IRAG1: variants seen among roughly 807,000 people sequenced by gnomAD.
IRAG1 encodes IP3R-associated cGMP kinase substrate.
A neutral mutation model predicts 106.2 loss-of-function variants in IRAG1; 62 were observed. The ratio of observed to expected loss-of-function variants is 0.58; its 90% CI spans 0.48 to 0.72. The LOEUF is 0.72. Ranked by LOEUF, IRAG1 falls within the 30% of genes least tolerant of loss-of-function variation. The probability of loss-of-function intolerance (pLI) is 0.00; values close to 1 mark genes in which losing one functional copy is unlikely to be tolerated. For missense variants in IRAG1, 1,064 were observed against 1,140.7 expected, an observed-to-expected ratio of 0.93 and a Z score of 0.97; for synonymous variants, 462 against 443.9, an observed-to-expected ratio of 1.04 and a Z score of -0.51.
rs761921283 is a variant in IRAG1, at chr11:10,629,694, T to C, written c.418A>G (p.Ile140Val). 2 of 1,613,732 alleles carry C rather than the reference T, an allele frequency of 1.2e-6. No homozygotes were observed. Among genetic ancestry groups the C allele is most frequent in the East Asian group, 2.2e-5 (1 of 44,882 alleles). Reference protein sequence around the residue: ...LTSVDPAGHIIDLVNDQLPDI... With the variant: ...LTSVDPAGHIVDLVNDQLPDI... ...GGCAGCTGGTCATTCACCAGGTCAATGATGTGCCCCGCGGGGTCTGCAGAA... is the reference window on the plus strand; with the variant it reads ...GGCAGCTGGTCATTCACCAGGTCAACGATGTGCCCCGCGGGGTCTGCAGAA... Residue 140 changes from isoleucine (I) to valine (V), a missense_variant, in exon 5 of 21, where the codon ATT (isoleucine) becomes GTT (valine). Physicochemically the swap from Ile to Val is conservative, Grantham distance 29. Transcript: ENST00000423302.
chr11:10,628,954 T>C lies in IRAG1; in HGVS notation c.575-126A>G. 1 of 839,312 alleles carries C rather than the reference T, an allele frequency of 1.2e-6. No individual in the cohort carries two copies. Among genetic ancestry groups the C allele is most frequent in the Admixed American group, 2.8e-5 (1 of 35,370 alleles). 52.0% of individuals were successfully genotyped at this position (839,312 alleles called of 1,614,324 possible). A position where few individuals can be genotyped will look rare whatever the true frequency, so the allele number is the denominator to read the frequency against. ...CTGCCTTGCTGGGCTCAGGGGCTGATGCTGGACTGCAATATGATGCTCCTG... is the reference window on the plus strand; with the variant it reads ...CTGCCTTGCTGGGCTCAGGGGCTGACGCTGGACTGCAATATGATGCTCCTG... On this transcript the variant is annotated intron_variant, in intron 5 of 20. Coordinates refer to ENST00000423302, the MANE Select transcript of IRAG1 (RefSeq NM_130385.4). The surrounding 1 kb of genome is among the most constrained non-coding windows in gnomAD (Gnocchi z 4.1).
At chr11:10,686,438 T>C (rs1035525127) in intron 1 of IRAG1, among the ~76,000 whole-genome samples, 3 of 152,150 alleles carry the variant, frequency 2.0e-5, no homozygotes, top group Non-Finnish European at 4.4e-5. Context: ...TCCTTCTAAA[T>C]AGAGGAAGGA....
At chr11:10,597,416 C>A (rs1432603373) in intron 15 of IRAG1, among the ~76,000 whole-genome samples, 2 of 152,190 alleles carry the variant, frequency 1.3e-5, no homozygotes, top group East Asian at 1.9e-4. Flanking sequence ...GCCTTGACTT[C>A]CTGGGCTCAA....
At chr11:10,606,405 A>G (rs1854482090) in intron 12 of IRAG1, among the ~76,000 whole-genome samples, 2 of 152,208 alleles carry the variant, frequency 1.3e-5, no homozygotes, top group African/African-American at 4.8e-5. Context: ...ATTTTTCAGT[A>G]ATTTTGAAAT....
intron 1 of IRAG1, among the ~76,000 whole-genome samples, chr11:10,672,969 T>C (rs1860365683): frequency 6.6e-6 from 1 of 152,218 alleles, no homozygotes; most frequent in African/African-American, 2.4e-5. Flanking sequence ...ATTCATACAA[T>C]AGAATCTATT....
intron 18 of IRAG1, among the ~76,000 whole-genome samples, chr11:10,583,546 G>A (rs1052595969): frequency 6.6e-6 from 1 of 152,166 alleles, no homozygotes; most frequent in African/African-American, 2.4e-5. Context: ...CAGGTTTAAA[G>A]TAAAGAAGGG....
intron 2 of IRAG1, among the ~76,000 whole-genome samples, chr11:10,643,107 G>A (rs893865854): frequency 1.4e-5 from 2 of 138,790 alleles, no homozygotes; most frequent in East Asian, 2.1e-4. Context: ...CCCAGGAGGC[G>A]GAGCTTACAG....
chr11:10,642,754 G>A lies in IRAG1; in HGVS notation c.226-8683C>T, dbSNP rs776994695. On this transcript the variant is annotated intron_variant, in intron 2 of 20. Transcript: ENST00000423302. ...CGGTGAAAGTGGTGGTGGTGGGTGC[G>A]TGCTGTGAGACTGTATCCCCAGATC... is the stretch of plus-strand genomic sequence containing the variant. Among the ~76,000 whole-genome samples the A allele has an allele frequency of 3.9e-5, 6 of 152,346 alleles. No homozygotes were observed. In the Middle Eastern group the frequency reaches 0.01, roughly 259 times the overall value.
In IRAG1 at chr11:10,658,648, C is replaced by T. The variant is rs185673305; in HGVS notation, c.68-6466G>A. ...TCCCAGGTCTGTGCTGGGCTTGCCC[C>T]ATGTCTGTGCTGTGCTCAGTCCCAG... is the stretch of plus-strand genomic sequence containing the variant. On this transcript the variant is annotated intron_variant, in intron 1 of 20. Coordinates refer to ENST00000423302, the MANE Select transcript of IRAG1 (RefSeq NM_130385.4). The T allele has an allele frequency of 1.3e-4, 23 of 180,178 alleles. No homozygotes were observed. In the East Asian group the frequency reaches 4.3e-3, roughly 33 times the overall value. 11.2% of individuals were successfully genotyped at this position (180,178 alleles called of 1,614,324 possible). A position where few individuals can be genotyped will look rare whatever the true frequency, so the allele number is the denominator to read the frequency against.
chr11:10,593,473 C>A lies in IRAG1; in HGVS notation c.2175+19G>T. 7 of 1,597,398 alleles carry A rather than the reference C, an allele frequency of 4.4e-6. No homozygotes were observed. The highest frequency in any genetic ancestry group is 6.0e-6 in the Non-Finnish European group (7 of 1,165,122). On this transcript the variant is annotated intron_variant, in intron 17 of 20. Coordinates refer to ENST00000423302, the MANE Select transcript of IRAG1 (RefSeq NM_130385.4). ...TATTCTACTATTCTGTGCTGGGAGG[C>A]AGACATCGTCATACTTACCAAGGCT...
chr11:10,648,387 C>T (rs149494788), intron 2 of IRAG1, among the ~76,000 whole-genome samples: 4 of 152,324 alleles, frequency 2.6e-5, no homozygotes, highest in Non-Finnish European at 4.4e-5. Flanking sequence ...TATATTCCTA[C>T]AGATTCCTAA....
At chr11:10,673,579 T>C (rs1860422688) in intron 1 of IRAG1, among the ~76,000 whole-genome samples, 1 of 152,196 alleles carries the variant, frequency 6.6e-6, no homozygotes, top group Non-Finnish European at 1.5e-5. Context: ...TTAGCCATGA[T>C]GGCTGCACAA....
chr11:10,612,803 C>T (rs1267724966), intron 10 of IRAG1, among the ~76,000 whole-genome samples: 1 of 151,580 alleles, frequency 6.6e-6, no homozygotes, highest in African/African-American at 2.4e-5. Flanking sequence ...GAAAAAATAA[C>T]CTGAAAAAAA....
intron 2 of IRAG1, among the ~76,000 whole-genome samples, chr11:10,640,469 C>T (rs1277056966): frequency 6.6e-6 from 1 of 152,240 alleles, no homozygotes; most frequent in African/African-American, 2.4e-5. Flanking sequence ...CCCTCATCAG[C>T]TGACAGAATC....
intron 15 of IRAG1, 29 bp from the exon 16 acceptor site, chr11:10,594,224 C>A: frequency 6.3e-7 from 1 of 1,599,680 alleles, no homozygotes; most frequent in East Asian, 2.2e-5. Flanking sequence ...GAGAAGAGAA[C>A]ACAGGTAAGT....
Position 10,693,564 on chromosome 11 carries a change from T to C in IRAG1, c.39A>G (p.Arg13=), listed in dbSNP as rs1187810955. Residue 13 remains arginine (R), a synonymous_variant, in exon 1 of 21, where the codon AGA becomes AGG. Transcript: ENST00000423302. ...KAPQSEERLA[R]GGKENNSVLA... is the part of the protein sequence containing the mutation. Reference sequence around the variant, plus strand: ...AAACTGAGTTATTCTCCTTTCCTCCTCTGGCCAGCCTCTCTTCACTCTGGG... The same window carrying C: ...AAACTGAGTTATTCTCCTTTCCTCCCCTGGCCAGCCTCTCTTCACTCTGGG... 39 of 1,535,452 alleles carry C rather than the reference T, an allele frequency of 2.5e-5. No homozygotes were observed. Among genetic ancestry groups the C allele is most frequent in the Non-Finnish European group, 3.2e-5 (37 of 1,146,880 alleles).
Position 10,603,157 on chromosome 11 carries a change from A to C in IRAG1, c.1838T>G (p.Leu613Arg). The C allele has an allele frequency of 6.2e-7, 1 of 1,608,356 alleles. No individual in the cohort carries two copies. Among genetic ancestry groups the C allele is most frequent in the Non-Finnish European group, 8.5e-7 (1 of 1,177,698 alleles). ...IAVLHRLAARLSSRAEVVGAV... is the reference protein window; with the variant it reads ...IAVLHRLAARRSSRAEVVGAV... ...GCCTACCACCTCAGCTCGGCTGGAG[A>C]GGCGGGCAGCCAGGCGGTGCAGGAC... The change falls in exon 14 of 21, where the codon CTC becomes CGC. Residue 613 changes from leucine to arginine, a missense_variant. Leu to Arg is a moderately radical substitution (Grantham distance 102). Coordinates refer to ENST00000423302, the MANE Select transcript of IRAG1 (RefSeq NM_130385.4).
chr11:10,582,106 CTT>C, intron 18 of IRAG1, 120 bp from the exon 19 acceptor site: 1 of 1,240,420 alleles, frequency 8.1e-7, no homozygotes, highest in Non-Finnish European at 1.1e-6. Context: ...TTTTCAGTAA[CTT>C]TCAGATTTTT....
At position 10,634,425 on chromosome 11, in the gene IRAG1, T is replaced by C. The variant is rs974860209; in HGVS notation, c.226-354A>G. ...ACCTTTTTGTGTGGTGGACAATACTTAGCAAATTCCAAGTATACAATACAT... is the reference window on the plus strand; with the variant it reads ...ACCTTTTTGTGTGGTGGACAATACTCAGCAAATTCCAAGTATACAATACAT... On this transcript the variant is annotated intron_variant, in intron 2 of 20. Transcript: ENST00000423302. Among the ~76,000 whole-genome samples the C allele has an allele frequency of 3.3e-5, 5 of 152,174 alleles. No homozygotes were observed. In the East Asian group the frequency reaches 9.6e-4, roughly 29 times the overall value.
Sources: allele counts gnomAD v4.1 joint callset (sites outside exome capture counted in the v4.1 genomes callset), GRCh38; gene constraint gnomAD v4.1.1; non-coding constraint Gnocchi (gnomAD v3.1); transcripts MANE v1.5; gene names NCBI Gene and HGNC (gene_info 2026-07-23, HGNC 2026-07-21).